AFF3: variants seen among roughly 807,000 people sequenced by gnomAD.
The protein encoded by AFF3 is AF4/FMR2 family member 3.
A neutral mutation model predicts 129.7 loss-of-function variants in AFF3; 32 were observed. That is an observed-to-expected ratio of 0.25 (90% CI 0.19 to 0.33). The LOEUF (loss-of-function observed/expected upper bound fraction) is 0.33, where lower values mean the gene tolerates loss of function less well. Among genes scored for constraint, AFF3 ranks in the 10% least tolerant of loss-of-function variants. AFF3 has a pLI of 1.00. For synonymous variants in AFF3, 644 were observed against 635.4 expected (o/e 1.01, Z -0.20); for missense variants, 1,373 against 1,592.0 (o/e 0.86, Z 2.34).
At chr2:99,649,531 T>C in intron 13 of AFF3, 95 bp downstream of exon 13, 4 of 1,368,024 alleles carry the variant, frequency 2.9e-6, no homozygotes, top group Non-Finnish European at 4.1e-6. Flanking sequence ...AGAGATACTT[T>C]AGGGACAAAA....
chr2:99,610,644 A>T (rs2105197693), intron 13 of AFF3, among the ~76,000 whole-genome samples: 1 of 152,292 alleles, frequency 6.6e-6, no homozygotes, highest in East Asian at 1.9e-4. Flanking sequence ...GGCTGATATG[A>T]ATATTTCTGT....
At chr2:100,070,131 T>C (rs1408363788) in intron 4 of AFF3, among the ~76,000 whole-genome samples, 2 of 152,172 alleles carry the variant, frequency 1.3e-5, no homozygotes. Flanking sequence ...GAGTAATTTG[T>C]ATCAAGTGAA....
At chr2:99,669,136 C>T (rs2104420824) in intron 12 of AFF3, among the ~76,000 whole-genome samples, 1 of 152,230 alleles carries the variant, frequency 6.6e-6, no homozygotes, top group African/African-American at 2.4e-5. Context: ...GTTGAACATG[C>T]ACATACCCTA....
chr2:99,923,036 A>G (rs1370805848), intron 7 of AFF3, among the ~76,000 whole-genome samples: 1 of 152,210 alleles, frequency 6.6e-6, no homozygotes, highest in African/African-American at 2.4e-5. Context: ...CTGATTTTAC[A>G]AACTTTAAAA....
chr2:99,817,533 T>A (rs1335758389), intron 8 of AFF3, among the ~76,000 whole-genome samples: 1 of 152,180 alleles, frequency 6.6e-6, no homozygotes, highest in Non-Finnish European at 1.5e-5. Context: ...TAGCTCTGAG[T>A]TGAAATATTG....
At chr2:100,001,505 C>T (rs72955712) in intron 7 of AFF3, among the ~76,000 whole-genome samples, 11 of 152,296 alleles carry the variant, frequency 7.2e-5, no homozygotes, top group African/African-American at 1.4e-4. Context: ...CTCGTCTCAC[C>T]GCAATTTCTG....
At chr2:99,617,146 G>A (rs972746589) in intron 13 of AFF3, among the ~76,000 whole-genome samples, 4 of 152,150 alleles carry the variant, frequency 2.6e-5, no homozygotes, top group African/African-American at 7.2e-5. Context: ...GCGAACATAC[G>A]TTTTCATTTC....
At position 99,791,498 on chromosome 2, in the gene AFF3, G is replaced by A. The variant is rs952312597; in HGVS notation, c.922-39197C>T. On this transcript the variant is annotated intron_variant, in intron 8 of 24. Coordinates refer to ENST00000672756, the MANE Select transcript of AFF3 (RefSeq NM_001386135.1). ...ATGCACCATTCTTTCCCTGGCGCCT[G>A]AACGTTTTTGATCTGCGGTTCATTT... Among the ~76,000 whole-genome samples, 4 of 152,208 alleles carry A rather than the reference G, an allele frequency of 2.6e-5. 1 individual carries two copies. Among genetic ancestry groups the A allele is most frequent in the African/African-American group, 7.2e-5 (3 of 41,444 alleles).
intron 8 of AFF3, among the ~76,000 whole-genome samples, chr2:99,807,641 G>A (rs1686455890): frequency 6.6e-6 from 1 of 152,130 alleles, no homozygotes; most frequent in South Asian, 2.1e-4. Context: ...AATAAGGCAG[G>A]CCTCAATTGG....
rs556320639 is a variant in AFF3 at position 99,680,857 on chromosome 2, G to C, written c.1092-8268C>G. ...TGTTAGAATTAGAAAAGAGAACCAA[G>C]CATAATCTCCTAATTAGCAAATCCA... On this transcript the variant is annotated intron_variant, in intron 11 of 24. Coordinates refer to ENST00000672756, the MANE Select transcript of AFF3 (RefSeq NM_001386135.1). Among the ~76,000 whole-genome samples, 32 of 152,318 alleles carry C rather than the reference G, an allele frequency of 2.1e-4. 1 individual carries two copies. In the South Asian group the frequency reaches 6.4e-3, roughly 31 times the overall value.
intron 8 of AFF3, among the ~76,000 whole-genome samples, chr2:99,811,240 G>A (rs1421400303): frequency 1.3e-5 from 2 of 152,164 alleles, no homozygotes; most frequent in Non-Finnish European, 2.9e-5. Flanking sequence ...AGAACTTTAT[G>A]CTCTCAGGAA....
chr2:99,963,510 G>T (rs892520648), intron 7 of AFF3, among the ~76,000 whole-genome samples: 1 of 151,904 alleles, frequency 6.6e-6, no homozygotes, highest in Non-Finnish European at 1.5e-5. Context: ...TCTACACGAG[G>T]TTTAACACTC....
chr2:99,798,448 T>C (rs1685701877), intron 8 of AFF3, among the ~76,000 whole-genome samples: 2 of 152,086 alleles, frequency 1.3e-5, no homozygotes, highest in South Asian at 2.1e-4. Flanking sequence ...TGTTTTTATT[T>C]ATCCAATCAG....
intron 8 of AFF3, among the ~76,000 whole-genome samples, chr2:99,829,121 A>T (rs531410426): frequency 1.3e-4 from 20 of 152,350 alleles, no homozygotes; most frequent in African/African-American, 4.3e-4. Context: ...ACTTCTCCAT[A>T]AGGTCCAAAC....
intron 7 of AFF3, among the ~76,000 whole-genome samples, chr2:99,977,504 A>AT (rs563164706): frequency 5.3e-5 from 8 of 152,262 alleles, no homozygotes; most frequent in East Asian, 1.9e-4. Flanking sequence ...GTGAATGCCA[A>AT]TTTTTTTTAA....
intron 11 of AFF3, among the ~76,000 whole-genome samples, chr2:99,678,192 G>A (rs1674183276): frequency 1.3e-5 from 2 of 152,198 alleles, no homozygotes; most frequent in South Asian, 2.1e-4. Flanking sequence ...TCATTTGAAG[G>A]TAAACTCAGT....
At chr2:99,856,031 G>A (rs1029150642) in intron 7 of AFF3, among the ~76,000 whole-genome samples, 2 of 152,030 alleles carry the variant, frequency 1.3e-5, no homozygotes, top group Admixed American at 6.6e-5. Context: ...AGACCAATAT[G>A]CCTTAAAACT....
chr2:100,118,420 A>G (rs193298479), intron 2 of AFF3, among the ~76,000 whole-genome samples: 3 of 152,160 alleles, frequency 2.0e-5, no homozygotes, highest in Admixed American at 2.0e-4. Context: ...TCTAATTACC[A>G]CTTCCCTGAC....
intron 4 of AFF3, among the ~76,000 whole-genome samples, chr2:100,015,309 G>T (rs1682920303): frequency 6.6e-6 from 1 of 152,028 alleles, no homozygotes; most frequent in African/African-American, 2.4e-5. Flanking sequence ...TTTATATCAG[G>T]CTGCCTCTAA....
Sources: gnomAD v4.1 joint callset for allele counts (sites outside exome capture counted in the v4.1 genomes callset) on GRCh38, gnomAD v4.1.1 for gene constraint, MANE v1.5 for transcripts, NCBI Gene and HGNC (gene_info 2026-07-23, HGNC 2026-07-21) for gene names.